Variants in WRAP73 observed in about 807,000 individuals in gnomAD.
WRAP73 encodes WD repeat-containing protein WRAP73.
A neutral mutation model predicts 59.6 loss-of-function variants in WRAP73; 55 were observed. The observed-to-expected ratio is 0.92, with a 90% CI of 0.74 to 1.15. The LOEUF is 1.15. WRAP73 is among the 50% of genes most tolerant of loss of function. The pLI is 0.00. For synonymous variants in WRAP73, 265 were observed against 258.2 expected (o/e 1.03, Z -0.25); for missense variants, 592 against 608.1 (o/e 0.97, Z 0.28).
intron 3 of WRAP73, among the ~76,000 whole-genome samples, chr1:3,640,780 C>T (rs1000689840): frequency 7.9e-5 from 12 of 152,068 alleles, no homozygotes; most frequent in Non-Finnish European, 1.6e-4. Flanking sequence ...CGGGGTGCAG[C>T]GCCCGAGCCT....
rs750239592 is a variant in WRAP73 at position 3,649,919 on chromosome 1, C to T, written c.69+12G>A. ...GGATGTCCTGCCCGTGGCCCAGGTCCCCGCCGCTCACCAGGTACTTGCCGT... is the reference window on the plus strand; with the variant it reads ...GGATGTCCTGCCCGTGGCCCAGGTCTCCGCCGCTCACCAGGTACTTGCCGT... On this transcript the variant is annotated intron_variant, in intron 1 of 11. Transcript: ENST00000270708. 9 of 1,595,272 alleles carry T rather than the reference C, an allele frequency of 5.6e-6. No homozygotes were observed. The highest frequency in any genetic ancestry group is 7.7e-6 in the Non-Finnish European group (9 of 1,172,782).
Position 3,644,340 on chromosome 1 carries a change from G to A in WRAP73, c.339+2326C>T. Among the ~76,000 whole-genome samples, 2 of 121,024 alleles carry A rather than the reference G, an allele frequency of 1.7e-5. 1 individual carries two copies. The highest frequency in any genetic ancestry group is 7.5e-5 in the African/African-American group (2 of 26,652). 79.4% of individuals were successfully genotyped at this position (121,024 alleles called of 152,430 possible). On this transcript the variant is annotated intron_variant, in intron 3 of 11. Transcript: ENST00000270708. ...GACCCAGCGGCCCCGCTGAGCCCCG[G>A]ACATGGGGTCGCGCCTTCGGAAGGG... is the stretch of plus-strand genomic sequence containing the variant.
Position 3,647,312 on chromosome 1 carries a change from A to AC in WRAP73, c.222+95dup. The AC allele has an allele frequency of 3.8e-6, 5 of 1,326,412 alleles. No homozygotes were observed. In the South Asian group the frequency reaches 8.6e-5, roughly 23 times the overall value. 82.2% of individuals were successfully genotyped at this position (1,326,412 alleles called of 1,614,324 possible). On this transcript the variant is annotated intron_variant, in intron 2 of 11. Transcript: ENST00000270708. The stretch of plus-strand genomic sequence containing the variant: ...AGAAAACTGGCTTTGAGCTGCACGG[A>AC]CTTTTTTTTCAAACTAGAAAGGCAC...
chr1:3,643,609 G>A (rs1644667411), intron 3 of WRAP73, among the ~76,000 whole-genome samples: 2 of 148,246 alleles, frequency 1.3e-5, no homozygotes, highest in African/African-American at 2.5e-5. Flanking sequence ...GGGACCCAGC[G>A]GCCCCGCTGA....
rs775580783 is a variant in WRAP73, at chr1:3,630,959, C to T, written c.*16G>A. On this transcript the variant is annotated 3_prime_UTR_variant, in exon 12 of 12. Coordinates refer to ENST00000270708, the MANE Select transcript of WRAP73 (RefSeq NM_017818.4). ...CACAGAGTAGCCCTGTTTCTGCACA[C>T]GTTAGTGCACCGCTGCTACGTGTGG... 5 of 1,610,758 alleles carry T rather than the reference C, an allele frequency of 3.1e-6. No homozygotes were observed. Among genetic ancestry groups the T allele is most frequent in the Non-Finnish European group, 8.5e-7 (1 of 1,178,662 alleles).
chr1:3,635,334 C>T (rs28446481), intron 6 of WRAP73, 40 bp from the exon 7 acceptor site: 20 of 1,609,786 alleles, frequency 1.2e-5, no homozygotes, highest in Middle Eastern at 1.7e-4. Context: ...AATACACCCC[C>T]GTCGCCAGGA....
At chr1:3,645,381 T>C (rs12046328) in intron 3 of WRAP73, among the ~76,000 whole-genome samples, 916 of 74,720 alleles carry the variant, frequency 0.012, 27 homozygotes, top group East Asian at 0.022. Context: ...GTGGTGTGCG[T>C]GGCGCAGCGG....
At position 3,646,482 on chromosome 1, in the gene WRAP73, G is replaced by GA. The variant is rs1644691919; in HGVS notation, c.339+183dup. ...AATGTATCACAGGTATGCTGTATAG[G>GA]AAAAAACACAGGAAATACAGGGTTT... On this transcript the variant is annotated intron_variant, in intron 3 of 11. Transcript: ENST00000270708. The surrounding 1 kb of genome is among the most constrained non-coding windows in gnomAD (Gnocchi z 5.1). 6.6e-6 allele frequency among the ~76,000 whole-genome samples: 1 copy of GA among 152,102 alleles called. No homozygotes were observed. The highest frequency in any genetic ancestry group is 1.5e-5 in the Non-Finnish European group (1 of 68,018).
In WRAP73 at chr1:3,632,295, A is replaced by G; in HGVS notation, c.966T>C (p.Pro322=). 6.2e-7 allele frequency: 1 copy of G among 1,614,178 alleles called. No individual in the cohort carries two copies. Among genetic ancestry groups the G allele is most frequent in the Non-Finnish European group, 8.5e-7 (1 of 1,180,018 alleles). Residue 322 remains proline, a synonymous_variant, in exon 10 of 12, where the codon CCT becomes CCC. Coordinates refer to ENST00000270708, the MANE Select transcript of WRAP73 (RefSeq NM_017818.4). The stretch of plus-strand genomic sequence containing the variant: ...TTTTCGGGTTTGCTCTGTCGGTAAC[A>G]GGTTTCAGTGTCTGTAAGGAGACTG... ...SVPVSLQTLK[P]VTDRANPKIG... is the part of the protein sequence containing the mutation.
chr1:3,647,419 C>G lies in WRAP73; in HGVS notation c.211G>C (p.Gly71Arg). The G allele has an allele frequency of 2.5e-6, 4 of 1,613,528 alleles. No homozygotes were observed. The highest frequency in any genetic ancestry group is 3.4e-6 in the Non-Finnish European group (4 of 1,179,814). The change falls in exon 2 of 12, where the codon GGG becomes CGG. Residue 71 changes from glycine (G) to arginine (R), a missense_variant. Physicochemically the swap from Gly to Arg is moderately radical, Grantham distance 125. Transcript: ENST00000270708. ...LFILCAMYKR[G>R]LVQVWSLEQP... ...ACGGCAGCACACACCTGCACCAGCC[C>G]TCGCTTGTACATGGCGCACAGGATG...
At position 3,631,640 on chromosome 1, in the gene WRAP73, C is replaced by T. The variant is rs200627854; in HGVS notation, c.1066G>A (p.Val356Ile). The change falls in exon 11 of 12, where the codon GTC (valine) becomes ATC (isoleucine). Residue 356 changes from valine (V) to isoleucine (I), a missense_variant. Val to Ile is a conservative substitution (Grantham distance 29). Transcript: ENST00000270708. Reference protein sequence around the residue: ...ATRNDNIPNAVWVWDIQKLRL... With the variant: ...ATRNDNIPNAIWVWDIQKLRL... ...AGCTTCTGAATGTCCCAGACCCAGA[C>T]GGCATTGGGAATGTTGTCTGAGGAA... The T allele has an allele frequency of 2.6e-5, 42 of 1,596,732 alleles. No individual in the cohort carries two copies. In the East Asian group the frequency reaches 3.8e-4, roughly 14 times the overall value.
At chr1:3,638,397 G>A (rs913026065) in intron 4 of WRAP73, among the ~76,000 whole-genome samples, 2 of 152,248 alleles carry the variant, frequency 1.3e-5, no homozygotes, top group African/African-American at 4.8e-5. Flanking sequence ...AGAACTGGAT[G>A]CCTGAGGTGG....
At chr1:3,638,728 T>C in intron 4 of WRAP73, 22 bp downstream of exon 4, 1 of 1,613,464 alleles carries the variant, frequency 6.2e-7, no homozygotes. Flanking sequence ...AAATGGCTTT[T>C]GCGTGGCTCC....
chr1:3,642,378 GA>G (rs1644654383), intron 3 of WRAP73, among the ~76,000 whole-genome samples: 1 of 152,236 alleles, frequency 6.6e-6, no homozygotes, highest in Admixed American at 6.5e-5. Flanking sequence ...ATGGAAACCA[GA>G]AGTGATCCTG....
rs1381606215 is a variant in WRAP73 at position 3,645,874 on chromosome 1, CG to C, written c.339+791del. On this transcript the variant is annotated intron_variant, in intron 3 of 11. Coordinates refer to ENST00000270708, the MANE Select transcript of WRAP73 (RefSeq NM_017818.4). Reference sequence around the variant, plus strand: ...GTGAATGGGCGGCTGCCGACCGCCCCGAGCCACGCCCCCAGGCCAGGCTCCT... The same window carrying C: ...GTGAATGGGCGGCTGCCGACCGCCCCAGCCACGCCCCCAGGCCAGGCTCCT... Among the ~76,000 whole-genome samples, 3 of 151,932 alleles carry C rather than the reference CG, an allele frequency of 2.0e-5. No homozygotes were observed. In the East Asian group the frequency reaches 5.8e-4, roughly 29 times the overall value.
chr1:3,635,009 A>G lies in WRAP73; in HGVS notation c.804T>C (p.Asn268=). ...ITEFGHPAAI[N]DPKIVVYKEA... is the part of the protein sequence containing the mutation. Reference sequence around the variant, plus strand: ...GTTCCAGACTTACTATCTTGGGATCATTAATGGCTGCAGGATGCCCAAACT... The same window carrying G: ...GTTCCAGACTTACTATCTTGGGATCGTTAATGGCTGCAGGATGCCCAAACT... The change falls in exon 8 of 12, where the codon AAT becomes AAC. Residue 268 remains asparagine, a synonymous_variant. Transcript: ENST00000270708. The G allele has an allele frequency of 6.2e-7, 1 of 1,614,234 alleles. No homozygotes were observed. Among genetic ancestry groups the G allele is most frequent in the Non-Finnish European group, 8.5e-7 (1 of 1,180,048 alleles).
rs369780945 is a variant in WRAP73 at position 3,647,529 on chromosome 1, C to G, written c.101G>C (p.Arg34Pro). The G allele has an allele frequency of 6.2e-7, 1 of 1,613,640 alleles. No individual in the cohort carries two copies. The highest frequency in any genetic ancestry group is 8.5e-7 in the Non-Finnish European group (1 of 1,179,866). ...ASCVQYRLVVRDVNTLQILQL... is the reference protein window; with the variant it reads ...ASCVQYRLVVPDVNTLQILQL... ...AAGGATCTGAAGGGTGTTCACATCCCGGACCACTAACCGGTACTGGACACA... is the reference window on the plus strand; with the variant it reads ...AAGGATCTGAAGGGTGTTCACATCCGGGACCACTAACCGGTACTGGACACA... The change falls in exon 2 of 12, where the codon CGG becomes CCG. Residue 34 changes from arginine (R) to proline (P), a missense_variant. Coordinates refer to ENST00000270708, the MANE Select transcript of WRAP73 (RefSeq NM_017818.4).
chr1:3,636,343 C>T (rs1010893600), intron 5 of WRAP73: 9 of 388,050 alleles, frequency 2.3e-5, no homozygotes, highest in East Asian at 1.2e-4. Flanking sequence ...GGTCTCCCCG[C>T]GCCTGCACTC....
chr1:3,635,351 C>G (rs1169922074), intron 6 of WRAP73, 57 bp from the exon 7 acceptor site: 5 of 1,603,550 alleles, frequency 3.1e-6, no homozygotes, highest in Non-Finnish European at 4.3e-6. Context: ...AGGAACACAC[C>G]ACAGACGCGG....
Sources: allele counts gnomAD v4.1 joint callset (sites outside exome capture counted in the v4.1 genomes callset), GRCh38; gene constraint gnomAD v4.1.1; non-coding constraint Gnocchi (gnomAD v3.1); transcripts MANE v1.5; gene names NCBI Gene and HGNC (gene_info 2026-07-23, HGNC 2026-07-21).